Variants in CDKL5 observed in about 807,000 individuals in gnomAD.
CDKL5 encodes cyclin dependent kinase like 5, also known as cyclin-dependent kinase-like 5.
In CDKL5, 8 loss-of-function variants were observed where a neutral mutation model predicts 61.7. That is an observed-to-expected ratio of 0.13 (90% confidence interval 0.08 to 0.23). CDKL5 has a LOEUF of 0.23. Ranked by LOEUF, CDKL5 falls within the 10% of genes least tolerant of loss-of-function variation. CDKL5 has a pLI of 1.00. For missense variants in CDKL5, 440 were observed against 734.5 expected (o/e 0.60, Z 4.63); for synonymous variants, 275 against 272.3 (o/e 1.01, Z -0.10).
rs779361711 is a variant in CDKL5 at position 18,518,388 on chromosome X, A to ATTTTTTTTTTTTTT, written c.99+7556_99+7569dup. 9.9e-4 allele frequency among the ~76,000 whole-genome samples: 21 copies of ATTTTTTTTTTTTTT among 21,166 alleles called. 2 individuals are homozygous for ATTTTTTTTTTTTTT. Among genetic ancestry groups the ATTTTTTTTTTTTTT allele is most frequent in the South Asian group, 5.5e-3 (1 of 183 alleles). 18.4% of individuals were successfully genotyped at this position (21,166 alleles called of 115,157 possible). A position where few individuals can be genotyped will look rare whatever the true frequency, so the allele number is the denominator to read the frequency against. On this transcript the variant is annotated intron_variant, in intron 3 of 17. Coordinates refer to ENST00000623535, the MANE Select transcript of CDKL5 (RefSeq NM_001323289.2). ...AAGTCATGTTTTCTTTTCTTTTCTT[A>ATTTTTTTTTTTTTT]TTTTTTTTTTTTTTTTTTTTTTTTT...
chrX:18,479,425 T>G (rs1921461833), intron 1 of CDKL5, among the ~76,000 whole-genome samples: 1 of 103,530 alleles, frequency 9.7e-6, no homozygotes, highest in South Asian at 5.0e-4. Context: ...GTTCACGCCA[T>G]TCTCCTGCGT....
chrX:18,609,581 C>A lies in CDKL5; in HGVS notation c.2152+11C>A. ...GTAGCTTTTACAGAGGTAAGCCCAC[C>A]CCCGGCATTCAACAGGTTCCCCTCT... On this transcript the variant is annotated intron_variant, in intron 14 of 17. Transcript: ENST00000623535. The A allele has an allele frequency of 8.3e-7, 1 of 1,209,914 alleles. No individual in the cohort carries two copies. The highest frequency in any genetic ancestry group is 1.8e-5 in the South Asian group (1 of 56,839).
intron 1 of CDKL5, among the ~76,000 whole-genome samples, chrX:18,469,806 G>T (rs1045931279): frequency 2.6e-4 from 29 of 111,584 alleles, no homozygotes; most frequent in Non-Finnish European, 5.1e-4. Flanking sequence ...AGAATTCACG[G>T]GCTTATTTCA....
intron 3 of CDKL5, among the ~76,000 whole-genome samples, chrX:18,549,686 C>T (rs1043364332): frequency 1.8e-5 from 2 of 111,228 alleles, no homozygotes; most frequent in African/African-American, 6.5e-5. Flanking sequence ...GAAGAACAGG[C>T]AGAGTTAGAG....
intron 14 of CDKL5, 51 bp from the exon 15 acceptor site, chrX:18,613,093 TAAAAAAAA>T: frequency 2.6e-6 from 2 of 767,116 alleles, no homozygotes; most frequent in Non-Finnish European, 3.4e-6. Flanking sequence ...AGACTCTGTC[TAAAAAAAA>T]AAAAAAAAAA....
intron 3 of CDKL5, among the ~76,000 whole-genome samples, chrX:18,524,919 T>TTTTG (rs1293100615): frequency 2.7e-5 from 3 of 111,004 alleles, no homozygotes; most frequent in Admixed American, 9.6e-5. Flanking sequence ...CGAGTCTATT[T>TTTTG]TTTGTTTGTT....
intron 1 of CDKL5, among the ~76,000 whole-genome samples, chrX:18,491,002 C>T (rs1013329167): frequency 1.8e-5 from 2 of 112,014 alleles, no homozygotes; most frequent in African/African-American, 6.5e-5. Flanking sequence ...TTCCCTTTGA[C>T]ATAAGTGACC....
chrX:18,499,372 T>C (rs1922297438), intron 1 of CDKL5, among the ~76,000 whole-genome samples: 1 of 104,788 alleles, frequency 9.5e-6, no homozygotes, highest in Non-Finnish European at 2.0e-5. Context: ...TTTTTTTTTT[T>C]TTTTTTGAGA....
chrX:18,504,560 T>A (rs1267129165), intron 1 of CDKL5, among the ~76,000 whole-genome samples: 1 of 112,185 alleles, frequency 8.9e-6, no homozygotes, highest in Non-Finnish European at 1.9e-5. Flanking sequence ...TGCACCAATT[T>A]ACATTTCTAC....
chrX:18,642,400 TAATTAA>T (rs1927617202), downstream of CDKL5, among the ~76,000 whole-genome samples: 1 of 111,808 alleles, frequency 8.9e-6, no homozygotes, highest in African/African-American at 3.3e-5. Context: ...ACACTTCAAT[TAATTAA>T]AATTAGATAA....
At chrX:18,647,410 A>C (rs1302023356) in intron 20 of CDKL5, 2 of 1,078,971 alleles carry the variant, frequency 1.9e-6, no homozygotes, top group Non-Finnish European at 2.6e-6. Context: ...TAACAAAACA[A>C]ACCCATCTGC....
intron 9 of CDKL5, among the ~76,000 whole-genome samples, chrX:18,593,979 A>T (rs746777847): frequency 2.2e-4 from 25 of 112,172 alleles, no homozygotes; most frequent in Non-Finnish European, 4.7e-4. Context: ...GCACAGTTTA[A>T]CATTGATTGC....
At chrX:18,438,895 C>T (rs1602189917) in intron 1 of CDKL5, among the ~76,000 whole-genome samples, 1 of 109,969 alleles carries the variant, frequency 9.1e-6, no homozygotes, top group East Asian at 2.9e-4. Flanking sequence ...TGCTTTGATG[C>T]TTGTACCCTA....
intron 1 of CDKL5, among the ~76,000 whole-genome samples, chrX:18,436,218 T>C (rs765135824): frequency 1.1e-3 from 120 of 111,094 alleles, no homozygotes; most frequent in Non-Finnish European, 1.5e-3. Context: ...CGTCTTCACA[T>C]TGAGTAGGCT....
intron 3 of CDKL5, among the ~76,000 whole-genome samples, chrX:18,556,365 A>G (rs1924602062): frequency 8.9e-6 from 1 of 111,732 alleles, no homozygotes; most frequent in Admixed American, 9.6e-5. Flanking sequence ...AAATTTACAT[A>G]CACATGGCTT....
intron 3 of CDKL5, among the ~76,000 whole-genome samples, chrX:18,532,036 G>A (rs1312859059): frequency 8.9e-6 from 1 of 112,164 alleles, no homozygotes; most frequent in Non-Finnish European, 1.9e-5. Context: ...GGACAGGAGT[G>A]ATGGTATCCA....
chrX:18,458,782 A>AT (rs1485912595), intron 1 of CDKL5, among the ~76,000 whole-genome samples: 1 of 112,678 alleles, frequency 8.9e-6, no homozygotes, highest in Non-Finnish European at 1.9e-5. Flanking sequence ...CACAGTTCAG[A>AT]TACCCAATAG....
At chrX:18,456,125 C>T (rs1055831593) in intron 1 of CDKL5, among the ~76,000 whole-genome samples, 1 of 108,637 alleles carries the variant, frequency 9.2e-6, no homozygotes, top group South Asian at 4.1e-4. Flanking sequence ...CTGCAATCTC[C>T]GCCTCCCAGG....
intron 3 of CDKL5, among the ~76,000 whole-genome samples, chrX:18,527,831 G>A (rs945252815): frequency 1.8e-5 from 2 of 111,312 alleles, no homozygotes; most frequent in Non-Finnish European, 3.8e-5. Flanking sequence ...TTCTAATAAC[G>A]CACTTGATGC....
Sources: allele counts gnomAD v4.1 joint callset (sites outside exome capture counted in the v4.1 genomes callset), GRCh38; gene constraint gnomAD v4.1.1; transcripts MANE v1.5; gene names NCBI Gene and HGNC (gene_info 2026-07-23, HGNC 2026-07-21).